Variants in GGT7 observed in about 807,000 individuals in gnomAD.
GGT7 encodes glutathione hydrolase 7.
In GGT7, 30 loss-of-function variants were observed where a neutral mutation model predicts 69.2. The ratio of observed to expected loss-of-function variants is 0.43; its 90% CI spans 0.32 to 0.59. The LOEUF is 0.59. GGT7 is among the 20% of genes least tolerant of loss of function. GGT7 has a pLI of 0.05. For synonymous variants in GGT7, 388 were observed against 391.8 expected (o/e 0.99, Z 0.12); for missense variants, 733 against 901.1 (o/e 0.81, Z 2.39).
At chr20:34,868,036 T>C (rs931400463) in intron 1 of GGT7, among the ~76,000 whole-genome samples, 25 of 152,226 alleles carry the variant, frequency 1.6e-4, no homozygotes, top group Non-Finnish European at 4.4e-5. Flanking sequence ...CTAATTTTTG[T>C]ATTTTTAGTA....
At chr20:34,872,204 G>A (rs1568947294) in intron 1 of GGT7, 1 of 154,818 alleles carries the variant, frequency 6.5e-6, no homozygotes, top group South Asian at 2.0e-4. Flanking sequence ...GCTTCTCCCA[G>A]ACCCTCTGCT....
chr20:34,856,800 G>C lies in GGT7; in HGVS notation c.1102+6C>G. On this transcript the variant is annotated splice_donor_region_variant and intron_variant, in intron 8 of 14. Transcript: ENST00000336431. ...GGGGGACCCTGGGAGCCGGGGGAGA[G>C]GTCACCTCTGTACACGCCACACACA... is the stretch of plus-strand genomic sequence containing the variant. 1 of 1,577,018 alleles carries C rather than the reference G, an allele frequency of 6.3e-7. No homozygotes were observed.
chr20:34,852,035 C>T, intron 12 of GGT7, 120 bp downstream of exon 12: 1 of 736,368 alleles, frequency 1.4e-6, no homozygotes, highest in Admixed American at 2.0e-5. Context: ...TGAACCTCTT[C>T]TTTAGGCTTC....
At chr20:34,869,457 C>A (rs899729448) in intron 1 of GGT7, among the ~76,000 whole-genome samples, 1 of 152,166 alleles carries the variant, frequency 6.6e-6, no homozygotes, top group African/African-American at 2.4e-5. Flanking sequence ...CAGGTGTATG[C>A]CACTATGCCC....
At chr20:34,871,594 C>T (rs2079779193) in intron 1 of GGT7, among the ~76,000 whole-genome samples, 1 of 152,242 alleles carries the variant, frequency 6.6e-6, no homozygotes, top group Non-Finnish European at 1.5e-5. Flanking sequence ...GGCTGCTGGT[C>T]AGGGCCAGAT....
chr20:34,865,642 T>A (rs1458964377), intron 1 of GGT7, among the ~76,000 whole-genome samples: 3 of 152,204 alleles, frequency 2.0e-5, no homozygotes, highest in East Asian at 1.9e-4. Context: ...CTCATTCTAG[T>A]AATGGAACTA....
Position 34,863,359 on chromosome 20 carries a change from C to G in GGT7, c.359G>C (p.Gly120Ala), listed in dbSNP as rs1218789339. 4 of 1,614,054 alleles carry G rather than the reference C, an allele frequency of 2.5e-6. No homozygotes were observed. The highest frequency in any genetic ancestry group is 3.4e-6 in the Non-Finnish European group (4 of 1,180,000). ...IVTACLTFAT[G>A]VTVALVMQIY... ...CTGCATGACCAGCGCCACGGTGACACCGGTAGCGAAGGTGAGACAGGCCGT... is the reference window on the plus strand; with the variant it reads ...CTGCATGACCAGCGCCACGGTGACAGCGGTAGCGAAGGTGAGACAGGCCGT... The change falls in exon 2 of 15, where the codon GGT (glycine) becomes GCT (alanine). Residue 120 changes from glycine (G) to alanine (A), a missense_variant. Physicochemically the swap from Gly to Ala is moderately conservative, Grantham distance 60. Transcript: ENST00000336431. This position sits in a 1 kb window ranked among gnomAD's most constrained non-coding sequence, Gnocchi z 4.4.
Position 34,872,823 on chromosome 20 carries a change from C to T in GGT7, c.-8G>A, listed in dbSNP as rs754902278. 6 of 1,339,036 alleles carry T rather than the reference C, an allele frequency of 4.5e-6. No homozygotes were observed. The highest frequency in any genetic ancestry group is 5.8e-6 in the Non-Finnish European group (6 of 1,038,452). The allele number at this position is 1,339,036 out of a possible 1,614,324, so 82.9% of individuals were successfully genotyped here. On this transcript the variant is annotated 5_prime_UTR_variant, in exon 1 of 15. Coordinates refer to ENST00000336431, the MANE Select transcript of GGT7 (RefSeq NM_178026.3). ...CTCGTTCTCCGCCGCCATCCTCGCC[C>T]GCGCCCCCCAGCAGCGCAGCGCCTG...
At chr20:34,865,928 T>A (rs2079682874) in intron 1 of GGT7, among the ~76,000 whole-genome samples, 2 of 152,246 alleles carry the variant, frequency 1.3e-5, no homozygotes, top group African/African-American at 4.8e-5. Flanking sequence ...TTAAAGTTTA[T>A]TCATTCAATT....
intron 3 of GGT7, among the ~76,000 whole-genome samples, chr20:34,862,003 G>A (rs955742511): frequency 8.5e-5 from 13 of 152,176 alleles, no homozygotes; most frequent in Non-Finnish European, 1.9e-4. Context: ...GTACGGCTTG[G>A]AGAGCTGGTC....
Position 34,849,994 on chromosome 20 carries a change from G to A in GGT7, c.1792C>T (p.Pro598Ser). 1 of 1,613,554 alleles carries A rather than the reference G, an allele frequency of 6.2e-7. No homozygotes were observed. The highest frequency in any genetic ancestry group is 8.5e-7 in the Non-Finnish European group (1 of 1,179,598). The part of the protein sequence containing the change: ...SDSLARGRLH[P>S]DLQSNLLQVD... ...TGCAGGAGGTTGGACTGCAGGTCCG[G>A]GTGTAGGCGGCCGCGGGCCAGGCTG... The change falls in exon 14 of 15, where the codon CCG (proline) becomes TCG (serine). Residue 598 changes from proline (P) to serine (S), a missense_variant. By Grantham distance (74) the Pro-to-Ser change is moderately conservative. Coordinates refer to ENST00000336431, the MANE Select transcript of GGT7 (RefSeq NM_178026.3).
intron 4 of GGT7, among the ~76,000 whole-genome samples, chr20:34,860,637 C>CTTTTTTTTTTTTTTTT (rs533561120): frequency 8.8e-6 from 1 of 113,890 alleles, no homozygotes; most frequent in African/African-American, 3.2e-5. Context: ...CAACCCCTGC[C>CTTTTTTTTTTTTTTTT]TTTTTTTTTT....
intron 2 of GGT7, 33 bp from the exon 3 acceptor site, chr20:34,862,998 G>T (rs1166423503): frequency 6.3e-7 from 1 of 1,595,768 alleles, no homozygotes; most frequent in East Asian, 2.3e-5. Context: ...GTGGGGGCAG[G>T]AGGAGCTGTC....
In GGT7 at chr20:34,850,017, C is replaced by T. The variant is rs769995440; in HGVS notation, c.1769G>A (p.Ser590Asn). Residue 590 changes from serine to asparagine, a missense_variant, in exon 14 of 15, where the codon AGC becomes AAC. Physicochemically the swap from Ser to Asn is conservative, Grantham distance 46. Transcript: ENST00000336431. ...VLTLNRNLSD[S>N]LARGRLHPDL... ...CGGGTGTAGGCGGCCGCGGGCCAGG[C>T]TGTCACTCAGGTTCCGGTTCAAGGT... is the stretch of plus-strand genomic sequence containing the variant. 10 of 1,613,924 alleles carry T rather than the reference C, an allele frequency of 6.2e-6. No individual in the cohort carries two copies. The highest frequency in any genetic ancestry group is 1.6e-4 in the Middle Eastern group (1 of 6,074).
At chr20:34,871,985 G>C (rs1227772611) in intron 1 of GGT7, among the ~76,000 whole-genome samples, 1 of 152,078 alleles carries the variant, frequency 6.6e-6, no homozygotes, top group Non-Finnish European at 1.5e-5. Flanking sequence ...TAAAATTCTG[G>C]AGACTGCTTC....
chr20:34,870,444 T>C (rs750791463), intron 1 of GGT7, among the ~76,000 whole-genome samples: 1 of 152,212 alleles, frequency 6.6e-6, no homozygotes, highest in African/African-American at 2.4e-5. Flanking sequence ...TCAACAATTA[T>C]TGAGTGCCCA....
rs1296924314 is a variant in GGT7, at chr20:34,866,563, A to G, written c.170-3015T>C. Among the ~76,000 whole-genome samples the G allele has an allele frequency of 2.7e-5, 4 of 148,362 alleles. No individual in the cohort carries two copies. The East Asian group carries it at 5.9e-4, about 22-fold the overall frequency. On this transcript the variant is annotated intron_variant, in intron 1 of 14. Coordinates refer to ENST00000336431, the MANE Select transcript of GGT7 (RefSeq NM_178026.3). ...CACTATTGCTTTTTTTTTTTTTATC[A>G]TGAACATGTAATTTTTGTTTTTGTT...
intron 13 of GGT7, chr20:34,850,884 C>T (rs1485296736): frequency 3.4e-6 from 2 of 593,432 alleles, no homozygotes; most frequent in Non-Finnish European, 6.5e-6. Context: ...CTTTCAAATC[C>T]CACCCTAAAG....
chr20:34,854,825 G>A lies in GGT7; in HGVS notation c.1201C>T (p.Arg401Ter), dbSNP rs2079463620. 4 of 1,614,072 alleles carry A rather than the reference G, an allele frequency of 2.5e-6. No individual in the cohort carries two copies. The highest frequency in any genetic ancestry group is 1.1e-5 in the South Asian group (1 of 91,046). Residue 401 changes from arginine to a stop codon, truncating the protein, a stop_gained, in exon 9 of 15, where the codon CGA (arginine) becomes TGA (stop). Coordinates refer to ENST00000336431, the MANE Select transcript of GGT7 (RefSeq NM_178026.3). LOFTEE classifies it high-confidence loss of function. ...EGFNLTSLVS[R>*]EQALHWVAET... ...GCCACCCAGTGAAGAGCCTGTTCTCGGGATACCAGGCTGGTGAGATTGAAG... is the reference window on the plus strand; with the variant it reads ...GCCACCCAGTGAAGAGCCTGTTCTCAGGATACCAGGCTGGTGAGATTGAAG...
Sources: gnomAD v4.1 joint callset for allele counts (sites outside exome capture counted in the v4.1 genomes callset) on GRCh38, gnomAD v4.1.1 for gene constraint, Gnocchi (gnomAD v3.1) non-coding constraint, MANE v1.5 for transcripts, NCBI Gene and HGNC (gene_info 2026-07-23, HGNC 2026-07-21) for gene names.